Variants in PPP2R2A observed in about 807,000 individuals in gnomAD.
The protein encoded by PPP2R2A is protein phosphatase 2 regulatory subunit Balpha.
PPP2R2A carries 9 observed loss-of-function variants against 53.2 expected under a neutral mutation model. The ratio of observed to expected loss-of-function variants is 0.17; its 90% confidence interval spans 0.10 to 0.30. The LOEUF is 0.30. Ranked by LOEUF, PPP2R2A falls within the 10% of genes least tolerant of loss-of-function variation. The probability of loss-of-function intolerance (pLI) is 1.00; values close to 1 mark genes in which losing one functional copy is unlikely to be tolerated. For synonymous variants in PPP2R2A, 169 were observed against 174.2 expected (o/e 0.97, Z 0.23); for missense variants, 235 against 534.6 (o/e 0.44, Z 5.53).
At position 26,343,777 on chromosome 8, in the gene PPP2R2A, C is replaced by T. The variant is rs986698385; in HGVS notation, c.180+4790C>T. On this transcript the variant is annotated intron_variant, in intron 3 of 9. Coordinates refer to ENST00000380737, the MANE Select transcript of PPP2R2A (RefSeq NM_002717.4). ...AATATATGTTTTAAGTGGATAACAG[C>T]TGGATTACGATATTAAAATGTCATT... Among the ~76,000 whole-genome samples the T allele has an allele frequency of 3.9e-5, 6 of 152,144 alleles. No individual in the cohort carries two copies. In the South Asian group the frequency reaches 1.2e-3, roughly 32 times the overall value.
chr8:26,367,136 TTG>T (rs1346022346), intron 9 of PPP2R2A, among the ~76,000 whole-genome samples: 2 of 152,186 alleles, frequency 1.3e-5, no homozygotes, highest in African/African-American at 4.8e-5. Context: ...TTTCATGGTG[TTG>T]TGTGTTACAG....
At chr8:26,320,484 G>A (rs1802779509) in intron 2 of PPP2R2A, among the ~76,000 whole-genome samples, 1 of 152,124 alleles carries the variant, frequency 6.6e-6, no homozygotes, top group South Asian at 2.1e-4. Flanking sequence ...TGGTTTGTGA[G>A]TTAAAATACT....
rs1382680866 is a variant in PPP2R2A, at chr8:26,338,450, G to A, written c.83-440G>A. Among the ~76,000 whole-genome samples the A allele has an allele frequency of 6.6e-6, 1 of 152,122 alleles. No homozygotes were observed. Among genetic ancestry groups the A allele is most frequent in the Non-Finnish European group, 1.5e-5 (1 of 68,012 alleles). ...TTATGACTTAAAATTCCATCTAAAA[G>A]TATTTTTACATTTAAAATTCCCTCT... On this transcript the variant is annotated intron_variant, in intron 2 of 9. Transcript: ENST00000380737. This position sits in a 1 kb window ranked among gnomAD's most constrained non-coding sequence, Gnocchi z 4.5.
At chr8:26,292,032 C>G in intron 1 of PPP2R2A, 10 of 772,964 alleles carry the variant, frequency 1.3e-5, no homozygotes, top group Non-Finnish European at 1.4e-5. Flanking sequence ...GCTTGGAGAA[C>G]GGGGCTGGCG....
intron 3 of PPP2R2A, among the ~76,000 whole-genome samples, chr8:26,352,588 T>A (rs901376256): frequency 1.8e-4 from 27 of 152,180 alleles, no homozygotes; most frequent in Non-Finnish European, 2.4e-4. Flanking sequence ...TAGACAGAAT[T>A]TTCTCCTTTT....
chr8:26,356,338 G>C (rs900270940), intron 4 of PPP2R2A, among the ~76,000 whole-genome samples: 14 of 152,266 alleles, frequency 9.2e-5, no homozygotes, highest in African/African-American at 3.4e-4. Flanking sequence ...CTGGGTGCCC[G>C]TTTTTCTGAT....
intron 2 of PPP2R2A, chr8:26,298,439 AGAT>A (rs1463274652): frequency 6.6e-6 from 1 of 152,198 alleles, no homozygotes; most frequent in South Asian, 2.1e-4. Context: ...CTCCTCTAGT[AGAT>A]GATAACTAAG....
intron 2 of PPP2R2A, among the ~76,000 whole-genome samples, chr8:26,312,511 T>G (rs992292288): frequency 5.9e-5 from 9 of 152,218 alleles, no homozygotes; most frequent in Admixed American, 1.3e-4. Flanking sequence ...ACTCAGCATT[T>G]TTGACAGAAT....
chr8:26,368,194 C>G (rs1019645829), intron 9 of PPP2R2A, among the ~76,000 whole-genome samples: 2 of 152,164 alleles, frequency 1.3e-5, no homozygotes, highest in African/African-American at 4.8e-5. Context: ...TTGTCATCTT[C>G]AGGGGCACGC....
In PPP2R2A at chr8:26,371,634, T is replaced by G. The variant is rs954667614; in HGVS notation, c.*1221T>G. The G allele has an allele frequency of 2.0e-5, 3 of 152,238 alleles. No homozygotes were observed. Among genetic ancestry groups the G allele is most frequent in the African/African-American group, 7.2e-5 (3 of 41,476 alleles). 9.4% of individuals were successfully genotyped at this position (152,238 alleles called of 1,614,324 possible). On this transcript the variant is annotated 3_prime_UTR_variant, in exon 10 of 10. Transcript: ENST00000380737. ...AAATACTTTTTTTGTATTTTACTGCTATCAAATCAGAATGAAATATACTTT... is the reference window on the plus strand; with the variant it reads ...AAATACTTTTTTTGTATTTTACTGCGATCAAATCAGAATGAAATATACTTT...
chr8:26,349,851 T>C (rs1231176063), intron 3 of PPP2R2A, among the ~76,000 whole-genome samples: 2 of 152,214 alleles, frequency 1.3e-5, no homozygotes, highest in Non-Finnish European at 2.9e-5. Context: ...TTACTCATGT[T>C]TTTTGCTGTA....
At chr8:26,307,947 A>G (rs577371818) in intron 2 of PPP2R2A, among the ~76,000 whole-genome samples, 1 of 152,362 alleles carries the variant, frequency 6.6e-6, no homozygotes, top group African/African-American at 2.4e-5. Context: ...AAAATCAAAT[A>G]TAGGCATACG....
chr8:26,310,456 A>G (rs1335912937), intron 2 of PPP2R2A, among the ~76,000 whole-genome samples: 1 of 137,154 alleles, frequency 7.3e-6, no homozygotes, highest in African/African-American at 2.7e-5. Context: ...ACAGTTTTGT[A>G]TTATGTTTTT....
chr8:26,344,680 G>C (rs1256065060), intron 3 of PPP2R2A, among the ~76,000 whole-genome samples: 1 of 152,110 alleles, frequency 6.6e-6, no homozygotes, highest in Non-Finnish European at 1.5e-5. Flanking sequence ...TCAGATTCTT[G>C]TCAGCTACCT....
intron 3 of PPP2R2A, among the ~76,000 whole-genome samples, chr8:26,344,978 A>G (rs1227085498): frequency 3.3e-5 from 5 of 152,208 alleles, no homozygotes; most frequent in African/African-American, 2.4e-5. Context: ...ATTGTTTCAT[A>G]TACACCTTAT....
At chr8:26,318,297 A>G (rs967768335) in intron 2 of PPP2R2A, among the ~76,000 whole-genome samples, 1 of 152,212 alleles carries the variant, frequency 6.6e-6, no homozygotes, top group Non-Finnish European at 1.5e-5. Flanking sequence ...ACATGAAACA[A>G]TTGGAAATTT....
intron 8 of PPP2R2A, chr8:26,365,787 A>G (rs1414498145): frequency 1.3e-5 from 2 of 152,280 alleles, no homozygotes; most frequent in African/African-American, 4.8e-5. Flanking sequence ...TTAATAATAT[A>G]TGCCCAGAAT....
intron 2 of PPP2R2A, among the ~76,000 whole-genome samples, chr8:26,301,838 G>A (rs139475609): frequency 4.6e-5 from 7 of 152,198 alleles, no homozygotes; most frequent in Non-Finnish European, 1.5e-5. Context: ...CTTTGCAGCA[G>A]TGCTGCAGAA....
At chr8:26,353,587 T>G (rs552704208) in intron 3 of PPP2R2A, among the ~76,000 whole-genome samples, 37 of 152,234 alleles carry the variant, frequency 2.4e-4, no homozygotes, top group Non-Finnish European at 4.6e-4. Context: ...ACTTTCAAAT[T>G]TTTTTATGAA....
Sources: allele counts gnomAD v4.1 joint callset (sites outside exome capture counted in the v4.1 genomes callset), GRCh38; gene constraint gnomAD v4.1.1; non-coding constraint Gnocchi (gnomAD v3.1); transcripts MANE v1.5; gene names NCBI Gene and HGNC (gene_info 2026-07-23, HGNC 2026-07-21).